NFRKB: variants seen among roughly 807,000 people sequenced by gnomAD.
NFRKB encodes the protein nuclear factor related to kappa-B-binding protein.
Under a neutral mutation model 135.7 loss-of-function variants are expected in NFRKB, and 62 were observed. That is an observed-to-expected ratio of 0.46 (90% CI 0.37 to 0.56). The LOEUF is 0.56. Ranked by LOEUF, NFRKB falls within the 20% of genes least tolerant of loss-of-function variation. The pLI, the probability that NFRKB is intolerant of heterozygous loss-of-function variation, is 0.00. For missense variants in NFRKB, 1,545 were observed against 1,662.0 expected, an observed-to-expected ratio of 0.93 and a Z score of 1.22; for synonymous variants, 678 against 635.6, an observed-to-expected ratio of 1.07 and a Z score of -1.00.
intron 12 of NFRKB, 37 bp downstream of exon 12, chr11:129,881,690 G>C: frequency 2.5e-6 from 4 of 1,609,192 alleles, no homozygotes; most frequent in Non-Finnish European, 1.7e-6. Flanking sequence ...AGACAAAAGG[G>C]GGAAAAATAC....
intron 17 of NFRKB, among the ~76,000 whole-genome samples, chr11:129,876,448 G>C (rs1948769028): frequency 6.6e-6 from 1 of 152,196 alleles, no homozygotes; most frequent in African/African-American, 2.4e-5. Context: ...ATGAAGCATA[G>C]CCTGGAGAAA....
chr11:129,888,991 T>C (rs2434368), intron 3 of NFRKB, among the ~76,000 whole-genome samples, 196 bp from the exon 4 acceptor site: 31 of 151,892 alleles, frequency 2.0e-4, no homozygotes, highest in Non-Finnish European at 4.4e-5. Context: ...TTTTTTTTTT[T>C]CTTTTTGAGA....
chr11:129,864,910 C>T (rs568867117), intron 26 of NFRKB, 56 bp downstream of exon 26: 2 of 1,613,028 alleles, frequency 1.2e-6, no homozygotes, highest in East Asian at 2.2e-5. Flanking sequence ...CAGTTAAGAA[C>T]AGCAGTGGAA....
chr11:129,890,356 T>C (rs777094707), intron 3 of NFRKB, among the ~76,000 whole-genome samples: 1 of 152,144 alleles, frequency 6.6e-6, no homozygotes, highest in Admixed American at 6.5e-5. Flanking sequence ...AGGCGCCTAA[T>C]AGAACAAGTG....
chr11:129,882,543 T>A lies in NFRKB; in HGVS notation c.990A>T (p.Ala330=). The A allele has an allele frequency of 6.2e-7, 1 of 1,614,160 alleles. No individual in the cohort carries two copies. Among genetic ancestry groups the A allele is most frequent in the South Asian group, 1.1e-5 (1 of 91,076 alleles). Reference sequence around the variant, plus strand: ...TGCTTAGCGGCTCGGCCAGGTCCTCTGCCTCTGATTTGATCGTTTTTATTT... The same window carrying A: ...TGCTTAGCGGCTCGGCCAGGTCCTCAGCCTCTGATTTGATCGTTTTTATTT... ...KKKIKTIKSE[A]EDLAEPLSST... Residue 330 remains alanine, a synonymous_variant, in exon 10 of 27, where the codon GCA becomes GCT. Transcript: ENST00000682444.
At chr11:129,880,094 G>A (rs111649282) in intron 13 of NFRKB, among the ~76,000 whole-genome samples, 1 of 152,168 alleles carries the variant, frequency 6.6e-6, no homozygotes, top group African/African-American at 2.4e-5. Flanking sequence ...GTAGGAGGAG[G>A]CAGGAGAATT....
rs1949190961 is a variant in NFRKB, at chr11:129,884,741, T to C, written c.742+4A>G. The C allele has an allele frequency of 6.2e-7, 1 of 1,613,450 alleles. No homozygotes were observed. Among genetic ancestry groups the C allele is most frequent in the Non-Finnish European group, 8.5e-7 (1 of 1,179,986 alleles). ...AATGGTGACAGCGGCAGCTTGGTTC[T>C]CACCTGCAGTTTTCATATCCGTGGT... On this transcript the variant is annotated splice_donor_region_variant and intron_variant, in intron 7 of 26. Coordinates refer to ENST00000682444, the MANE Select transcript of NFRKB (RefSeq NM_001143835.2).
rs940712244 is a variant in NFRKB, at chr11:129,864,210, G to C, written c.*515C>G. 1 of 152,590 alleles carries C rather than the reference G, an allele frequency of 6.6e-6. No homozygotes were observed. Among genetic ancestry groups the C allele is most frequent in the African/African-American group, 2.4e-5 (1 of 41,428 alleles). The allele number at this position is 152,590 out of a possible 1,614,324, so 9.5% of individuals were successfully genotyped here. On this transcript the variant is annotated 3_prime_UTR_variant, in exon 27 of 27. Transcript: ENST00000682444. ...ATTCTAGTCAAAAAAGTAAGTCATC[G>C]GTTTAGTGGAGGGGGCAGCTAAAGC...
At chr11:129,883,020 C>A in intron 9 of NFRKB, 102 bp downstream of exon 9, 1 of 1,020,746 alleles carries the variant, frequency 9.8e-7, no homozygotes, top group Non-Finnish European at 1.5e-6. Flanking sequence ...AGGTTACCAG[C>A]ATGAGAGAGG....
intron 2 of NFRKB, 133 bp downstream of exon 2, chr11:129,894,226 T>A (rs1167225138): frequency 6.6e-6 from 1 of 152,170 alleles, no homozygotes; most frequent in Non-Finnish European, 1.5e-5. Context: ...ACTAAATCCA[T>A]CCTTTCCAGC....
chr11:129,895,040 G>A (rs1480161447), intron 1 of NFRKB, among the ~76,000 whole-genome samples: 1 of 152,210 alleles, frequency 6.6e-6, no homozygotes, highest in Non-Finnish European at 1.5e-5. Context: ...CTGCCAGGGA[G>A]TTGGACCCCG....
intron 3 of NFRKB, among the ~76,000 whole-genome samples, chr11:129,891,394 C>T (rs866835196): frequency 2.0e-5 from 3 of 152,172 alleles, no homozygotes; most frequent in African/African-American, 7.2e-5. Flanking sequence ...GAAAAACAGC[C>T]ATAGTTTAAC....
intron 6 of NFRKB, among the ~76,000 whole-genome samples, chr11:129,885,054 C>G (rs922943113): frequency 6.6e-6 from 1 of 152,162 alleles, no homozygotes; most frequent in East Asian, 1.9e-4. Context: ...CAACAGAGTG[C>G]TGGGGTTGCA....
intron 4 of NFRKB, among the ~76,000 whole-genome samples, chr11:129,887,924 C>T (rs1949356583): frequency 6.6e-6 from 1 of 152,166 alleles, no homozygotes; most frequent in Admixed American, 6.5e-5. Flanking sequence ...GTAGTCCCAG[C>T]TACTAGGGAG....
intron 2 of NFRKB, 185 bp from the exon 3 acceptor site, chr11:129,893,055 G>C: frequency 7.0e-7 from 1 of 1,431,620 alleles, no homozygotes; most frequent in Non-Finnish European, 9.1e-7. Flanking sequence ...GAATTTTCAA[G>C]TCTTACCTGG....
intron 13 of NFRKB, among the ~76,000 whole-genome samples, chr11:129,879,754 C>T (rs1948941742): frequency 1.3e-5 from 2 of 152,202 alleles, no homozygotes; most frequent in Admixed American, 1.3e-4. Flanking sequence ...GTGCTTCCTC[C>T]TCAGGTAACA....
chr11:129,893,410 A>AAAAC, intron 2 of NFRKB: 1 of 381,722 alleles, frequency 2.6e-6, no homozygotes, highest in East Asian at 7.2e-5. Context: ...AAAAAAAAAA[A>AAAAC]TCAGCCAGGC....
At chr11:129,888,503 A>C (rs1407100531) in intron 4 of NFRKB, 91 bp downstream of exon 4, 11 of 1,269,480 alleles carry the variant, frequency 8.7e-6, no homozygotes, top group Middle Eastern at 3.7e-4. Context: ...CATGAAGATA[A>C]AAAGAAGAAA....
At chr11:129,890,073 G>C (rs570141680) in intron 3 of NFRKB, among the ~76,000 whole-genome samples, 3 of 146,392 alleles carry the variant, frequency 2.0e-5, no homozygotes, top group African/African-American at 7.6e-5. Flanking sequence ...TATTTGGCTA[G>C]ATCAAGGACA....
Sources: allele counts gnomAD v4.1 joint callset (sites outside exome capture counted in the v4.1 genomes callset), GRCh38; gene constraint gnomAD v4.1.1; transcripts MANE v1.5; gene names NCBI Gene and HGNC (gene_info 2026-07-23, HGNC 2026-07-21).